The following PXDNL variants were observed in gnomAD, a reference collection of about 807,000 sequenced individuals.
PXDNL encodes the protein probable oxidoreductase PXDNL.
PXDNL carries 145 observed loss-of-function variants against 150.8 expected under a neutral mutation model. That is an observed-to-expected ratio of 0.96 (90% confidence interval 0.84 to 1.10). The LOEUF (loss-of-function observed/expected upper bound fraction) is 1.10. Ranked by LOEUF, PXDNL falls within the 50% of genes least tolerant of loss-of-function variation. The pLI is 0.00. For missense variants in PXDNL, 2,087 were observed against 1,873.9 expected (o/e 1.11, Z -2.10); for synonymous variants, 757 against 725.7 (o/e 1.04, Z -0.69).
intron 19 of PXDNL, among the ~76,000 whole-genome samples, chr8:51,368,912 C>G (rs2130775088): frequency 6.6e-6 from 1 of 152,246 alleles, no homozygotes; most frequent in South Asian, 2.1e-4. Flanking sequence ...AGGAGAATCA[C>G]TTGAACCTGG....
intron 4 of PXDNL, among the ~76,000 whole-genome samples, chr8:51,542,241 A>T (rs906400678): frequency 3.9e-5 from 6 of 152,170 alleles, no homozygotes; most frequent in African/African-American, 9.7e-5. Flanking sequence ...TATCTAACAG[A>T]ACACAACCTC....
chr8:51,373,234 C>T lies in PXDNL; in HGVS notation c.3693-1153G>A, dbSNP rs141869441. 5.0e-3 allele frequency among the ~76,000 whole-genome samples: 762 copies of T among 152,202 alleles called. 5 individuals carry two copies. The highest frequency in any genetic ancestry group is 0.018 in the African/African-American group (736 of 41,526). On this transcript the variant is annotated intron_variant, in intron 18 of 22. Transcript: ENST00000356297. Reference sequence around the variant, plus strand: ...GTGGACATAGATAACAGAGGGAAGACCACGTGAAGACACAGGGAGAAGATG... The same window carrying T: ...GTGGACATAGATAACAGAGGGAAGATCACGTGAAGACACAGGGAGAAGATG...
At chr8:51,632,732 A>G (rs1200777753) in intron 2 of PXDNL, among the ~76,000 whole-genome samples, 1 of 152,230 alleles carries the variant, frequency 6.6e-6, no homozygotes, top group East Asian at 1.9e-4. Context: ...AGTCCAAAGT[A>G]TTAATAAGCT....
chr8:51,691,325 C>A (rs2130862978), intron 1 of PXDNL, among the ~76,000 whole-genome samples: 1 of 152,232 alleles, frequency 6.6e-6, no homozygotes, highest in East Asian at 1.9e-4. Flanking sequence ...AGTCTTTAAT[C>A]CATCTTGAAT....
intron 1 of PXDNL, among the ~76,000 whole-genome samples, chr8:51,779,511 G>A (rs1053022102): frequency 6.6e-6 from 1 of 152,232 alleles, no homozygotes; most frequent in Non-Finnish European, 1.5e-5. Flanking sequence ...AGGAGGGGAT[G>A]GGGCTGACAC....
intron 19 of PXDNL, among the ~76,000 whole-genome samples, chr8:51,354,748 T>A (rs189351306): frequency 1.8e-3 from 267 of 152,116 alleles, no homozygotes; most frequent in African/African-American, 6.2e-3. Flanking sequence ...TATAGAAAAA[T>A]TTTTCTTTCT....
intron 3 of PXDNL, among the ~76,000 whole-genome samples, chr8:51,568,988 A>G (rs1257076148): frequency 6.6e-6 from 1 of 151,760 alleles, no homozygotes; most frequent in East Asian, 1.9e-4. Context: ...TAAATTACCC[A>G]CCTATTCTTG....
intron 19 of PXDNL, among the ~76,000 whole-genome samples, chr8:51,355,456 A>T (rs1450279114): frequency 6.6e-6 from 1 of 152,220 alleles, no homozygotes; most frequent in Non-Finnish European, 1.5e-5. Flanking sequence ...TAGAAAATAT[A>T]CATCTGTTGA....
chr8:51,600,639 A>C (rs61363931), intron 2 of PXDNL, among the ~76,000 whole-genome samples: 2 of 96,732 alleles, frequency 2.1e-5, no homozygotes, highest in South Asian at 3.0e-4. Flanking sequence ...TAAATTATAT[A>C]GTTAGATAAT....
At chr8:51,486,794 A>ATTTTTTT (rs1195750381) in intron 5 of PXDNL, among the ~76,000 whole-genome samples, 4 of 24,714 alleles carry the variant, frequency 1.6e-4, no homozygotes, top group African/African-American at 7.0e-4. Flanking sequence ...ATATATATAT[A>ATTTTTTT]TTTTTTTTTT....
rs971987821 is a variant in PXDNL at position 51,372,052 on chromosome 8, G to A, written c.3722C>T (p.Thr1241Ile). The A allele has an allele frequency of 3.7e-6, 6 of 1,601,248 alleles. No individual in the cohort carries two copies. In the African/African-American group the frequency reaches 6.7e-5, roughly 18 times the overall value. The change falls in exon 19 of 23, where the codon ACC becomes ATC. Residue 1241 changes from threonine (T) to isoleucine (I), a missense_variant. Coordinates refer to ENST00000356297, the MANE Select transcript of PXDNL (RefSeq NM_144651.5). ...RFWYENPGVF[T>I]PAQLTQLKQA... Reference sequence around the variant, plus strand: ...CTTCAGCTGAGTGAGTTGTGCCGGGGTAAATACTCCAGGGTTTTCATACCA... The same window carrying A: ...CTTCAGCTGAGTGAGTTGTGCCGGGATAAATACTCCAGGGTTTTCATACCA...
At chr8:51,680,702 C>T (rs1383019197) in intron 1 of PXDNL, among the ~76,000 whole-genome samples, 2 of 152,126 alleles carry the variant, frequency 1.3e-5, no homozygotes, top group Admixed American at 6.5e-5. Context: ...GCCGGGTGGC[C>T]AGACAGCGAG....
chr8:51,726,544 C>T (rs1285330165), intron 1 of PXDNL, among the ~76,000 whole-genome samples: 1 of 152,214 alleles, frequency 6.6e-6, no homozygotes, highest in African/African-American at 2.4e-5. Flanking sequence ...GGTCTTCATA[C>T]TTGCCTATAA....
intron 21 of PXDNL, among the ~76,000 whole-genome samples, chr8:51,335,681 C>CACA (rs1235663924): frequency 2.2e-5 from 2 of 92,420 alleles, no homozygotes; most frequent in African/African-American, 1.6e-4. Context: ...ATTATATACC[C>CACA]TACACACACA....
At chr8:51,439,779 C>T (rs1015888845) in intron 12 of PXDNL, among the ~76,000 whole-genome samples, 8 of 146,374 alleles carry the variant, frequency 5.5e-5, no homozygotes, top group Non-Finnish European at 1.0e-4. Context: ...AAGCCAAGAT[C>T]GCACCACTGC....
At chr8:51,506,364 A>C (rs559485122) in intron 4 of PXDNL, among the ~76,000 whole-genome samples, 1 of 152,102 alleles carries the variant, frequency 6.6e-6, no homozygotes, top group South Asian at 2.1e-4. Flanking sequence ...AACATGGTGA[A>C]ACCCCGTCTC....
At chr8:51,772,313 C>T (rs2037307617) in intron 1 of PXDNL, among the ~76,000 whole-genome samples, 1 of 151,928 alleles carries the variant, frequency 6.6e-6, no homozygotes, top group Non-Finnish European at 1.5e-5. Flanking sequence ...CCCACTCTCT[C>T]TTTTCTGGCT....
intron 1 of PXDNL, among the ~76,000 whole-genome samples, chr8:51,673,397 A>T (rs1006727943): frequency 6.6e-6 from 1 of 152,212 alleles, no homozygotes; most frequent in Non-Finnish European, 1.5e-5. Context: ...ACATTTTCCA[A>T]ACTTTACACA....
intron 17 of PXDNL, among the ~76,000 whole-genome samples, chr8:51,407,681 TC>T (rs2130883368): frequency 6.6e-6 from 1 of 152,316 alleles, no homozygotes; most frequent in East Asian, 1.9e-4. Context: ...TACTTTTCTC[TC>T]CCTAAGAAGG....
Sources: allele counts gnomAD v4.1 joint callset (sites outside exome capture counted in the v4.1 genomes callset), GRCh38; gene constraint gnomAD v4.1.1; transcripts MANE v1.5; gene names NCBI Gene and HGNC (gene_info 2026-07-23, HGNC 2026-07-21).